The following DLGAP1 variants were observed in gnomAD, a reference collection of about 807,000 sequenced individuals.
DLGAP1 encodes the protein disks large-associated protein 1.
A neutral mutation model predicts 90.8 loss-of-function variants in DLGAP1; 11 were observed. The ratio of observed to expected loss-of-function variants is 0.12; its 90% CI spans 0.08 to 0.20. The LOEUF (loss-of-function observed/expected upper bound fraction) is 0.20. Among genes scored for constraint, DLGAP1 ranks in the 10% least tolerant of loss-of-function variants. DLGAP1 has a pLI of 1.00. For missense variants in DLGAP1, 1,050 were observed against 1,333.8 expected, an observed-to-expected ratio of 0.79 and a Z score of 3.31; for synonymous variants, 558 against 540.7, an observed-to-expected ratio of 1.03 and a Z score of -0.44.
intron 4 of DLGAP1, chr18:3,821,848 G>C: frequency 6.5e-6 from 6 of 916,584 alleles, no homozygotes; most frequent in Non-Finnish European, 6.5e-6. Context: ...GTAATGTGTT[G>C]GCCTTCTAAG....
At chr18:3,848,513 C>T (rs1055065807) in intron 4 of DLGAP1, among the ~76,000 whole-genome samples, 4 of 152,148 alleles carry the variant, frequency 2.6e-5, no homozygotes, top group Non-Finnish European at 4.4e-5. Flanking sequence ...TACCTGCCAA[C>T]TTCACTTAGA....
At position 3,772,444 on chromosome 18, in the gene DLGAP1, TC is replaced by T. The variant is rs1273066350; in HGVS notation, c.1173-29933del. Among the ~76,000 whole-genome samples the T allele has an allele frequency of 9.5e-3, 423 of 44,436 alleles. 8 individuals are homozygous for T. Among genetic ancestry groups the T allele is most frequent in the Middle Eastern group, 0.037 (3 of 82 alleles). 29.2% of individuals were successfully genotyped at this position (44,436 alleles called of 152,430 possible). On this transcript the variant is annotated intron_variant, in intron 5 of 12. Coordinates refer to ENST00000315677, the MANE Select transcript of DLGAP1 (RefSeq NM_004746.4). ...TTTCCTTCCTTCCTCCCTCCCTCCCTCCCCCCCACCCCCCTCTTTCTTTCTT... is the reference window on the plus strand; with the variant it reads ...TTTCCTTCCTTCCTCCCTCCCTCCCTCCCCCCACCCCCCTCTTTCTTTCTT...
At chr18:3,886,927 T>A (rs2071332255) in intron 3 of DLGAP1, among the ~76,000 whole-genome samples, 1 of 152,204 alleles carries the variant, frequency 6.6e-6, no homozygotes, top group African/African-American at 2.4e-5. Flanking sequence ...GGGTGAATAG[T>A]GATCTTTCCC....
At chr18:3,534,680 TCC>T in intron 9 of DLGAP1, 65 bp from the exon 10 acceptor site, 1 of 1,362,292 alleles carries the variant, frequency 7.3e-7, no homozygotes, top group Non-Finnish European at 9.7e-7. Context: ...CTTCCTTCCT[TCC>T]TTCCTTTCTT....
chr18:4,327,949 T>A (rs773233939), intron 1 of DLGAP1, among the ~76,000 whole-genome samples: 1 of 151,442 alleles, frequency 6.6e-6, no homozygotes, highest in Non-Finnish European at 1.5e-5. Flanking sequence ...AAATCCCTTA[T>A]CTGCCTTAAA....
chr18:3,909,927 G>A (rs1454748339), intron 3 of DLGAP1, among the ~76,000 whole-genome samples: 1 of 151,882 alleles, frequency 6.6e-6, no homozygotes, highest in Non-Finnish European at 1.5e-5. Flanking sequence ...CTATTTTTAA[G>A]TCAATTTAAG....
chr18:3,978,046 C>A (rs1281959280), intron 3 of DLGAP1: 1 of 378,336 alleles, frequency 2.6e-6, no homozygotes, highest in East Asian at 8.3e-5. Flanking sequence ...GGCTGTCATG[C>A]CAGTTTCTTG....
At chr18:4,424,866 T>C (rs77793739) in intron 1 of DLGAP1, among the ~76,000 whole-genome samples, 2,385 of 152,234 alleles carry the variant, frequency 0.016, 63 homozygotes, top group African/African-American at 0.053. Flanking sequence ...AAAACCAATT[T>C]ATTGCTAAAT....
intron 1 of DLGAP1, among the ~76,000 whole-genome samples, chr18:4,152,441 T>C (rs986138522): frequency 6.6e-6 from 1 of 152,316 alleles, no homozygotes; most frequent in Non-Finnish European, 1.5e-5. Context: ...ATCAATTTTA[T>C]GCAGTGAATA....
At chr18:3,997,176 G>A (rs1886854063) in intron 3 of DLGAP1, among the ~76,000 whole-genome samples, 1 of 103,872 alleles carries the variant, frequency 9.6e-6, no homozygotes, top group South Asian at 4.6e-4. Context: ...GCTATTTGAC[G>A]TAGTTCTCTT....
At chr18:3,958,622 C>CAAAA (rs11342881) in intron 3 of DLGAP1, among the ~76,000 whole-genome samples, 35 of 123,544 alleles carry the variant, frequency 2.8e-4, no homozygotes, top group African/African-American at 1.0e-3. Flanking sequence ...ATCCTCTTTA[C>CAAAA]AAAAAAAAAA....
chr18:4,214,422 A>G (rs924221660), intron 1 of DLGAP1, among the ~76,000 whole-genome samples: 1 of 152,134 alleles, frequency 6.6e-6, no homozygotes, highest in African/African-American at 2.4e-5. Context: ...GACTCAGTGA[A>G]GGTTTCTCTC....
At chr18:4,248,456 T>C (rs548986439) in intron 1 of DLGAP1, 1 of 152,240 alleles carries the variant, frequency 6.6e-6, no homozygotes, top group Non-Finnish European at 1.5e-5. Context: ...CAAATGGCTC[T>C]CTACTTTAAC....
At position 4,342,386 on chromosome 18, in the gene DLGAP1, CTTACATTTTAAAAA is replaced by C. The variant is rs1373976171; in HGVS notation, c.-267+112606_-267+112619del. Among the ~76,000 whole-genome samples the C allele has an allele frequency of 1.3e-5, 2 of 152,072 alleles. No homozygotes were observed. Among genetic ancestry groups the C allele is most frequent in the Admixed American group, 1.3e-4 (2 of 15,272 alleles). On this transcript the variant is annotated intron_variant, in intron 1 of 12. Transcript: ENST00000315677. This position sits in a 1 kb window ranked among gnomAD's most constrained non-coding sequence, Gnocchi z 5.8. ...TAAATGGATAAACACTCCCAAATAT[CTTACATTTTAAAAA>C]TTGGAAAGGAAATATCTTGCACTAC...
intron 10 of DLGAP1, among the ~76,000 whole-genome samples, chr18:3,532,883 C>CAACA (rs2052101574): frequency 6.6e-6 from 1 of 152,166 alleles, no homozygotes; most frequent in African/African-American, 2.4e-5. Flanking sequence ...AAACATGCCT[C>CAACA]AGAATTGAGG....
chr18:4,145,225 A>T (rs1388284521), intron 2 of DLGAP1, among the ~76,000 whole-genome samples: 1 of 152,190 alleles, frequency 6.6e-6, no homozygotes, highest in African/African-American at 2.4e-5. Context: ...TAGAACTCTG[A>T]GACATGACAA....
At chr18:3,784,505 C>T (rs2065353252) in intron 5 of DLGAP1, among the ~76,000 whole-genome samples, 1 of 152,192 alleles carries the variant, frequency 6.6e-6, no homozygotes, top group Non-Finnish European at 1.5e-5. Flanking sequence ...TTTTACTCCT[C>T]TGTTCAGGTG....
chr18:3,748,042 C>A (rs1378833674), intron 5 of DLGAP1, among the ~76,000 whole-genome samples: 1 of 152,222 alleles, frequency 6.6e-6, no homozygotes, highest in Admixed American at 6.5e-5. Context: ...AACATTAACT[C>A]TCTCATGTTA....
chr18:3,675,812 G>A (rs1417347422), intron 7 of DLGAP1, among the ~76,000 whole-genome samples: 1 of 152,168 alleles, frequency 6.6e-6, no homozygotes, highest in African/African-American at 2.4e-5. Context: ...TGTAGCATTT[G>A]CTGTTTTCCA....
Sources: allele counts gnomAD v4.1 joint callset (sites outside exome capture counted in the v4.1 genomes callset), GRCh38; gene constraint gnomAD v4.1.1; non-coding constraint Gnocchi (gnomAD v3.1); transcripts MANE v1.5; gene names NCBI Gene and HGNC (gene_info 2026-07-23, HGNC 2026-07-21).